The following NEXMIF variants were observed in gnomAD, a reference collection of about 807,000 sequenced individuals.
NEXMIF encodes neurite extension and migration factor.
In NEXMIF, 8 loss-of-function variants were observed where a neutral mutation model predicts 62.1. That is an observed-to-expected ratio of 0.13 (90% CI 0.08 to 0.23). The LOEUF is 0.23. Among genes scored for constraint, NEXMIF ranks in the 10% least tolerant of loss-of-function variants. The pLI, the probability that NEXMIF is intolerant of heterozygous loss-of-function variation, is 1.00. For synonymous variants in NEXMIF, 404 were observed against 416.6 expected (o/e 0.97, Z 0.37); for missense variants, 976 against 1,113.3 (o/e 0.88, Z 1.75).
intron 1 of NEXMIF, among the ~76,000 whole-genome samples, chrX:74,796,188 T>G (rs1224690335): frequency 1.4e-5 from 1 of 71,993 alleles, no homozygotes; most frequent in Non-Finnish European, 2.5e-5. Flanking sequence ...TATACATATA[T>G]ATTATATATA....
intron 1 of NEXMIF, among the ~76,000 whole-genome samples, chrX:74,765,443 A>C (rs904037115): frequency 9.0e-6 from 1 of 111,632 alleles, no homozygotes; most frequent in African/African-American, 3.3e-5. Flanking sequence ...TAGTATTCAT[A>C]TGTGCGGATT....
intron 1 of NEXMIF, among the ~76,000 whole-genome samples, chrX:74,808,277 G>A (rs1038364108): frequency 1.8e-5 from 2 of 110,605 alleles, no homozygotes; most frequent in Non-Finnish European, 3.8e-5. Flanking sequence ...GGTGGCATAA[G>A]ACTGTAATCT....
At chrX:74,866,708 A>G (rs2080580695) in intron 1 of NEXMIF, among the ~76,000 whole-genome samples, 1 of 112,453 alleles carries the variant, frequency 8.9e-6, no homozygotes, top group African/African-American at 3.2e-5. Context: ...TTCTCATGAT[A>G]GTGAATAAGT....
intron 1 of NEXMIF, among the ~76,000 whole-genome samples, chrX:74,845,569 T>C (rs1397688388): frequency 9.1e-6 from 1 of 110,370 alleles, no homozygotes; most frequent in Non-Finnish European, 1.9e-5. Context: ...GCTAAGTACA[T>C]GGGTTTATAT....
chrX:74,887,102 G>A (rs757275494), intron 1 of NEXMIF, among the ~76,000 whole-genome samples: 26 of 112,572 alleles, frequency 2.3e-4, no homozygotes, highest in Non-Finnish European at 4.7e-4. Flanking sequence ...GCCAGATGTA[G>A]AAAGCTGAAA....
chrX:74,918,690 G>A (rs1420205788), intron 1 of NEXMIF, among the ~76,000 whole-genome samples: 1 of 112,231 alleles, frequency 8.9e-6, no homozygotes, highest in African/African-American at 3.2e-5. Context: ...ATGAAATGTG[G>A]ACTCATCCTA....
rs146682608 is a variant in NEXMIF at position 74,842,092 on chromosome X, T to C, written c.-48+82791A>G. 9.9e-3 allele frequency among the ~76,000 whole-genome samples: 1,104 copies of C among 111,900 alleles called. 15 individuals are homozygous for C. Among genetic ancestry groups the C allele is most frequent in the African/African-American group, 0.034 (1,053 of 30,786 alleles). On this transcript the variant is annotated intron_variant, in intron 1 of 3. Coordinates refer to ENST00000055682, the MANE Select transcript of NEXMIF (RefSeq NM_001008537.3). ...TTTGTAATCTGGTTGAATTCTATTG[T>C]GAATCTATCAGGTTCTGGGATTTTT... is the stretch of plus-strand genomic sequence containing the variant.
chrX:74,889,042 G>T (rs901832243), intron 1 of NEXMIF, among the ~76,000 whole-genome samples: 2 of 111,679 alleles, frequency 1.8e-5, no homozygotes, highest in African/African-American at 6.5e-5. Context: ...GTGTGGAGAG[G>T]ATCACTCAAG....
intron 1 of NEXMIF, among the ~76,000 whole-genome samples, chrX:74,844,980 A>G (rs2080487078): frequency 8.9e-6 from 1 of 112,580 alleles, no homozygotes; most frequent in Non-Finnish European, 1.9e-5. Flanking sequence ...TCACATATAG[A>G]GCAATGGGTT....
chrX:74,790,665 G>A (rs1371096517), intron 1 of NEXMIF, among the ~76,000 whole-genome samples: 1 of 113,605 alleles, frequency 8.8e-6, no homozygotes, highest in Non-Finnish European at 1.9e-5. Context: ...GCAGTAGTTT[G>A]TAGTTCTCCT....
intron 1 of NEXMIF, among the ~76,000 whole-genome samples, chrX:74,877,064 T>A (rs1046367937): frequency 8.9e-6 from 1 of 111,895 alleles, no homozygotes. Flanking sequence ...TGCTCGTTAG[T>A]TGATGCAGTT....
At chrX:74,789,488 C>T (rs1433938016) in intron 1 of NEXMIF, among the ~76,000 whole-genome samples, 3 of 110,557 alleles carry the variant, frequency 2.7e-5, no homozygotes, top group African/African-American at 9.9e-5. Context: ...GGGTATATAT[C>T]CAGTAATGGG....
At chrX:74,894,021 G>A (rs1401885510) in intron 1 of NEXMIF, among the ~76,000 whole-genome samples, 9 of 111,823 alleles carry the variant, frequency 8.0e-5, no homozygotes, top group Admixed American at 5.7e-4. Context: ...CCAGGCTATG[G>A]TGGCTCACGC....
At chrX:74,749,145 G>A (rs981672180) in intron 1 of NEXMIF, among the ~76,000 whole-genome samples, 43 of 111,316 alleles carry the variant, frequency 3.9e-4, no homozygotes, top group African/African-American at 1.4e-3. Flanking sequence ...GTTGCTATGG[G>A]AATCCCAAAT....
intron 1 of NEXMIF, among the ~76,000 whole-genome samples, chrX:74,869,882 G>T (rs1450006720): frequency 1.8e-5 from 2 of 110,841 alleles, no homozygotes; most frequent in African/African-American, 6.6e-5. Flanking sequence ...ATGTTAAAAT[G>T]TCTATACTAC....
intron 1 of NEXMIF, among the ~76,000 whole-genome samples, chrX:74,788,869 G>T (rs1400451830): frequency 9.0e-6 from 1 of 111,304 alleles, no homozygotes; most frequent in Admixed American, 9.5e-5. Flanking sequence ...AGCTCAGAGT[G>T]CCAGCAAGTA....
Position 74,742,497 on chromosome X carries a change from T to C in NEXMIF, c.2060A>G (p.Asn687Ser). The stretch of plus-strand genomic sequence containing the variant: ...TGTGATGTCATTTAAATGTGATCCA[T>C]TTGCACAGCTAGGAGCACCCAGAGG... Reference protein sequence around the residue: ...SAPLGAPSCANGSHLNDITGP... With the variant: ...SAPLGAPSCASGSHLNDITGP... Residue 687 changes from asparagine to serine, a missense_variant, in exon 3 of 4, where the codon AAT becomes AGT. This residue lies in a region of NEXMIF where 639 missense variants were observed against 694.5 expected (regional missense o/e 0.92). Transcript: ENST00000055682. 1 of 1,210,170 alleles carries C rather than the reference T, an allele frequency of 8.3e-7. No individual in the cohort carries two copies. Among genetic ancestry groups the C allele is most frequent in the Non-Finnish European group, 1.1e-6 (1 of 895,198 alleles).
chrX:74,751,237 A>C (rs1244655879), intron 1 of NEXMIF, among the ~76,000 whole-genome samples: 1 of 110,844 alleles, frequency 9.0e-6, no homozygotes, highest in Non-Finnish European at 1.9e-5. Context: ...CTCAAAAAAA[A>C]AATTCCAAAA....
chrX:74,773,908 C>CAAA (rs61514458), intron 1 of NEXMIF, among the ~76,000 whole-genome samples: 3 of 38,080 alleles, frequency 7.9e-5, no homozygotes, highest in African/African-American at 1.1e-4. Context: ...GACTCCGTCT[C>CAAA]AAAAAAAAAA....
Sources: gnomAD v4.1 joint callset for allele counts (sites outside exome capture counted in the v4.1 genomes callset) on GRCh38, gnomAD v4.1.1 for gene constraint, gnomAD v4.1.1 regional missense constraint, MANE v1.5 for transcripts, NCBI Gene and HGNC (gene_info 2026-07-23, HGNC 2026-07-21) for gene names.